The following PUS10 variants were observed in gnomAD, a reference collection of about 807,000 sequenced individuals.
PUS10 encodes tRNA pseudouridine synthase Pus10.
A neutral mutation model predicts 75.0 loss-of-function variants in PUS10; 59 were observed. That is an observed-to-expected ratio of 0.79 (90% confidence interval 0.64 to 0.98). The LOEUF (loss-of-function observed/expected upper bound fraction) is 0.98. Ranked by LOEUF, PUS10 falls within the 50% of genes least tolerant of loss-of-function variation. The pLI, the probability that PUS10 is intolerant of heterozygous loss-of-function variation, is 0.00. For synonymous variants in PUS10, 219 were observed against 211.6 expected (o/e 1.03, Z -0.30); for missense variants, 650 against 614.4 (o/e 1.06, Z -0.61).
chr2:60,977,283 G>A (rs1415671260), intron 4 of PUS10, among the ~76,000 whole-genome samples: 1 of 152,124 alleles, frequency 6.6e-6, no homozygotes. Context: ...TGTTAAAAAT[G>A]GTGTGTTGCA....
At chr2:60,953,441 G>A (rs1675466762) in intron 14 of PUS10, among the ~76,000 whole-genome samples, 1 of 152,178 alleles carries the variant, frequency 6.6e-6, no homozygotes, top group African/African-American at 2.4e-5. Context: ...AAATCATACA[G>A]TACGTGGTGC....
chr2:60,954,196 T>G, intron 12 of PUS10, 38 bp from the exon 13 acceptor site: 1 of 1,604,440 alleles, frequency 6.2e-7, no homozygotes, highest in Non-Finnish European at 8.5e-7. Flanking sequence ...AGAAACGTGT[T>G]GATGGAGTTA....
At chr2:60,944,022 G>A (rs138967345) in intron 17 of PUS10, among the ~76,000 whole-genome samples, 1 of 151,962 alleles carries the variant, frequency 6.6e-6, no homozygotes, top group African/African-American at 2.4e-5. Flanking sequence ...CCAGCTACTC[G>A]GGAGACTGAG....
chr2:60,980,300 T>C (rs1677302309), intron 4 of PUS10, among the ~76,000 whole-genome samples: 1 of 152,202 alleles, frequency 6.6e-6, no homozygotes, highest in Admixed American at 6.5e-5. Flanking sequence ...ACTCCCTCTT[T>C]GAATTTGGTT....
At chr2:60,944,032 G>C (rs975874981) in intron 17 of PUS10, among the ~76,000 whole-genome samples, 1 of 152,088 alleles carries the variant, frequency 6.6e-6, no homozygotes, top group Non-Finnish European at 1.5e-5. Context: ...GGGAGACTGA[G>C]GCAGGGGATC....
chr2:60,972,628 G>A (rs1479323582), intron 4 of PUS10, among the ~76,000 whole-genome samples: 2 of 152,094 alleles, frequency 1.3e-5, no homozygotes, highest in African/African-American at 4.8e-5. Context: ...TAAACATGAC[G>A]GAAACATTGT....
At chr2:60,957,187 G>A (rs1675729639) in intron 11 of PUS10, among the ~76,000 whole-genome samples, 1 of 152,210 alleles carries the variant, frequency 6.6e-6, no homozygotes, top group Non-Finnish European at 1.5e-5. Flanking sequence ...AAACTTGGTT[G>A]AGTTTTTTCA....
At chr2:61,016,032 G>C (rs1037319657) in intron 1 of PUS10, among the ~76,000 whole-genome samples, 1 of 152,144 alleles carries the variant, frequency 6.6e-6, no homozygotes. Flanking sequence ...ACTTAATGAA[G>C]ATTTCCCTCG....
chr2:60,960,304 A>T, intron 11 of PUS10, 88 bp downstream of exon 11: 1 of 1,002,988 alleles, frequency 1.0e-6, no homozygotes, highest in Non-Finnish European at 1.4e-6. Context: ...TGATCGTGCT[A>T]CTGCAATCTA....
intron 4 of PUS10, among the ~76,000 whole-genome samples, chr2:60,983,337 T>C (rs1677520775): frequency 1.3e-5 from 2 of 152,224 alleles, no homozygotes; most frequent in African/African-American, 4.8e-5. Context: ...TATCTATTTA[T>C]TATTTTTAAC....
Position 61,006,626 on chromosome 2 carries a change from C to T in PUS10, c.399G>A (p.Glu133=), listed in dbSNP as rs1265864501. 1.2e-6 allele frequency: 2 copies of T among 1,612,304 alleles called. No homozygotes were observed. Among genetic ancestry groups the T allele is most frequent in the Non-Finnish European group, 1.7e-6 (2 of 1,179,328 alleles). ...DFIKKVCQKV[E]ASGFEFTSLV... ...AGCTGGTGAATTCAAACCCAGAGGCCTCAACCTTTTGGCACACCTGAAAAA... is the reference window on the plus strand; with the variant it reads ...AGCTGGTGAATTCAAACCCAGAGGCTTCAACCTTTTGGCACACCTGAAAAA... The change falls in exon 4 of 18, where the codon GAG becomes GAA. Residue 133 remains glutamate, a synonymous_variant. Coordinates refer to ENST00000316752, the MANE Select transcript of PUS10 (RefSeq NM_144709.4).
At chr2:60,989,287 C>T (rs1020902210) in intron 4 of PUS10, among the ~76,000 whole-genome samples, 2 of 152,156 alleles carry the variant, frequency 1.3e-5, no homozygotes, top group Non-Finnish European at 1.5e-5. Context: ...AGATCCCCTA[C>T]CCCACTCCAT....
intron 4 of PUS10, among the ~76,000 whole-genome samples, chr2:60,988,079 A>G (rs960203534): frequency 3.9e-5 from 6 of 152,022 alleles, no homozygotes; most frequent in African/African-American, 1.4e-4. Flanking sequence ...AGAGAGCAAG[A>G]CTCCGTCTAA....
At chr2:60,989,576 G>A (rs1677947754) in intron 4 of PUS10, among the ~76,000 whole-genome samples, 1 of 151,900 alleles carries the variant, frequency 6.6e-6, no homozygotes, top group Non-Finnish European at 1.5e-5. Flanking sequence ...CTCAGTATTC[G>A]GTAAAGCTCA....
intron 4 of PUS10, among the ~76,000 whole-genome samples, chr2:60,977,440 A>T (rs559963229): frequency 1.3e-5 from 2 of 152,338 alleles, no homozygotes; most frequent in East Asian, 3.9e-4. Flanking sequence ...GACTGAAACC[A>T]TAACATGAGA....
chr2:60,958,024 G>A (rs538482815), intron 11 of PUS10, among the ~76,000 whole-genome samples: 3 of 152,338 alleles, frequency 2.0e-5, no homozygotes, highest in South Asian at 2.1e-4. Flanking sequence ...CATATGTCTC[G>A]TGCCTGGGCT....
chr2:61,015,496 G>A (rs941495611), intron 1 of PUS10, among the ~76,000 whole-genome samples: 1 of 151,936 alleles, frequency 6.6e-6, no homozygotes, highest in Non-Finnish European at 1.5e-5. Flanking sequence ...TCAGGAGATC[G>A]AGACCATCCT....
At chr2:60,956,791 T>G (rs1322278766) in intron 11 of PUS10, among the ~76,000 whole-genome samples, 1 of 151,746 alleles carries the variant, frequency 6.6e-6, no homozygotes, top group African/African-American at 2.4e-5. Context: ...CTGGCTAACT[T>G]GGTGAAACCT....
chr2:61,006,488 C>A (rs1373741593), intron 4 of PUS10, 69 bp downstream of exon 4: 6 of 1,132,190 alleles, frequency 5.3e-6, no homozygotes, highest in Non-Finnish European at 7.9e-6. Flanking sequence ...AATATTTCTA[C>A]ATTCCCATTT....
Sources: allele counts gnomAD v4.1 joint callset (sites outside exome capture counted in the v4.1 genomes callset), GRCh38; gene constraint gnomAD v4.1.1; transcripts MANE v1.5; gene names NCBI Gene and HGNC (gene_info 2026-07-23, HGNC 2026-07-21).